The following PDE3B variants were observed in gnomAD, a reference collection of about 807,000 sequenced individuals.
PDE3B encodes the protein cGMP-inhibited 3',5'-cyclic phosphodiesterase 3B.
Under a neutral mutation model 116.8 loss-of-function variants are expected in PDE3B, and 66 were observed. The observed-to-expected ratio is 0.56, with a 90% confidence interval of 0.46 to 0.69. PDE3B has a LOEUF of 0.69. Ranked by LOEUF, PDE3B falls within the 30% of genes least tolerant of loss-of-function variation. The pLI, the probability that PDE3B is intolerant of heterozygous loss-of-function variation, is 0.00. For synonymous variants in PDE3B, 595 were observed against 533.6 expected (o/e 1.12, Z -1.59); for missense variants, 1,384 against 1,368.1 (o/e 1.01, Z -0.18).
chr11:14,661,660 G>A (rs189152329), intron 1 of PDE3B, among the ~76,000 whole-genome samples: 128 of 152,306 alleles, frequency 8.4e-4, no homozygotes, highest in African/African-American at 2.7e-3. Flanking sequence ...ATTATATCCC[G>A]CACCTGGCTC....
intron 5 of PDE3B, among the ~76,000 whole-genome samples, chr11:14,817,813 C>T (rs1859381103): frequency 6.6e-6 from 1 of 152,000 alleles, no homozygotes; most frequent in South Asian, 2.1e-4. Context: ...GGTAGAGATG[C>T]TTTGCTCTTG....
At chr11:14,883,349 G>T in the PDE3B span, among the ~76,000 whole-genome samples, 1 of 152,078 alleles carries the variant, frequency 6.6e-6, no homozygotes, top group Non-Finnish European at 1.5e-5. Context: ...TAGATCAATG[G>T]AACAGAACAG....
intron 11 of PDE3B, among the ~76,000 whole-genome samples, chr11:14,841,983 C>T (rs1314633175): frequency 7.0e-6 from 1 of 142,762 alleles, no homozygotes; most frequent in Non-Finnish European, 1.5e-5. Flanking sequence ...CTAAAAATGT[C>T]ATTTTTTTTG....
intron 4 of PDE3B, among the ~76,000 whole-genome samples, chr11:14,792,397 A>G (rs996418435): frequency 6.0e-5 from 9 of 149,002 alleles, no homozygotes; most frequent in African/African-American, 1.8e-4. Flanking sequence ...TGAAATATAT[A>G]TAAGGTATTT....
intron 1 of PDE3B, among the ~76,000 whole-genome samples, chr11:14,743,994 C>G (rs1214122167): frequency 6.6e-6 from 1 of 152,212 alleles, no homozygotes; most frequent in African/African-American, 2.4e-5. Context: ...CAGACCAGAG[C>G]TGTTGCTATT....
At chr11:14,704,346 G>C (rs1855467522) in intron 1 of PDE3B, among the ~76,000 whole-genome samples, 2 of 151,704 alleles carry the variant, frequency 1.3e-5, no homozygotes, top group Admixed American at 6.6e-5. Context: ...AGAGGTTAAA[G>C]AACATGAAGT....
Position 14,668,475 on chromosome 11 carries a change from T to C in PDE3B, c.978+23422T>C, listed in dbSNP as rs1252120410. Among the ~76,000 whole-genome samples the C allele has an allele frequency of 2.0e-5, 3 of 152,198 alleles. 1 individual carries two copies. Among genetic ancestry groups the C allele is most frequent in the African/African-American group, 4.8e-5 (2 of 41,448 alleles). ...AAAGGAAAGACATTACTATATTTTT[T>C]AATGAATACACTAAACTTTTAAGTA... On this transcript the variant is annotated intron_variant, in intron 1 of 15. Coordinates refer to ENST00000282096, the MANE Select transcript of PDE3B (RefSeq NM_000922.4).
At chr11:14,753,067 A>G (rs990704970) in intron 1 of PDE3B, among the ~76,000 whole-genome samples, 2 of 152,144 alleles carry the variant, frequency 1.3e-5, no homozygotes, top group African/African-American at 4.8e-5. Context: ...TCAGGAGTCT[A>G]GGATCCCTGT....
intron 4 of PDE3B, 95 bp downstream of exon 4, chr11:14,789,337 A>G (rs770875889): frequency 2.1e-5 from 20 of 942,114 alleles, no homozygotes; most frequent in Non-Finnish European, 3.1e-5. Context: ...GCAGAAAGGA[A>G]TGGTTGAAGT....
At chr11:14,853,825 A>T (rs1388731938) in intron 12 of PDE3B, among the ~76,000 whole-genome samples, 2 of 152,218 alleles carry the variant, frequency 1.3e-5, no homozygotes, top group African/African-American at 2.4e-5. Context: ...GCTATTTCCA[A>T]ATGAGAAGTT....
downstream of PDE3B, among the ~76,000 whole-genome samples, chr11:14,872,761 C>G (rs1188655146): frequency 1.3e-5 from 2 of 152,134 alleles, no homozygotes; most frequent in South Asian, 2.1e-4. Context: ...CCTGCAGATA[C>G]AAAAAGTTGG....
At chr11:14,681,452 T>G (rs944400995) in intron 1 of PDE3B, among the ~76,000 whole-genome samples, 1 of 152,172 alleles carries the variant, frequency 6.6e-6, no homozygotes, top group Non-Finnish European at 1.5e-5. Context: ...AGGGAGAGTT[T>G]CCCTGTACAA....
At chr11:14,661,243 A>G (rs898403677) in intron 1 of PDE3B, among the ~76,000 whole-genome samples, 4 of 152,260 alleles carry the variant, frequency 2.6e-5, no homozygotes, top group Admixed American at 6.5e-5. Context: ...GGCAGTATTC[A>G]CAATAGCAAA....
chr11:14,745,092 T>G (rs1415925826), intron 1 of PDE3B, among the ~76,000 whole-genome samples: 1 of 152,192 alleles, frequency 6.6e-6, no homozygotes, highest in Non-Finnish European at 1.5e-5. Context: ...CCCAAAGCAC[T>G]GGGATTATAG....
intron 1 of PDE3B, chr11:14,698,926 A>T (rs1298506645): frequency 6.6e-6 from 1 of 151,990 alleles, no homozygotes; most frequent in African/African-American, 2.4e-5. Context: ...TGACCAGGTG[A>T]TCATATGGGG....
At chr11:14,743,412 C>T (rs944690864) in intron 1 of PDE3B, among the ~76,000 whole-genome samples, 9 of 152,212 alleles carry the variant, frequency 5.9e-5, no homozygotes, top group African/African-American at 2.2e-4. Context: ...CCCCTTCCCC[C>T]ACCAAGTTGG....
intron 1 of PDE3B, among the ~76,000 whole-genome samples, chr11:14,723,883 G>A (rs972676776): frequency 6.6e-6 from 1 of 152,190 alleles, no homozygotes; most frequent in African/African-American, 2.4e-5. Flanking sequence ...AGTGGTGTGA[G>A]ATTAGGCTGG....
intron 1 of PDE3B, among the ~76,000 whole-genome samples, chr11:14,661,472 G>A (rs1346903084): frequency 1.3e-5 from 2 of 152,224 alleles, no homozygotes; most frequent in East Asian, 3.9e-4. Flanking sequence ...AGTGGGTGCA[G>A]CGCACCGTGC....
In PDE3B at chr11:14,867,770, G is replaced by C; in HGVS notation, c.3139+12G>C. On this transcript the variant is annotated intron_variant, in intron 15 of 15. Coordinates refer to ENST00000282096, the MANE Select transcript of PDE3B (RefSeq NM_000922.4). ...CAATCTAAATCCAAGTAAGAATATA[G>C]GGACATTATAATTTATTTAATGTTA... 1 of 1,581,188 alleles carries C rather than the reference G, an allele frequency of 6.3e-7. No homozygotes were observed. The highest frequency in any genetic ancestry group is 8.7e-7 in the Non-Finnish European group (1 of 1,151,992).
Sources: allele counts gnomAD v4.1 joint callset (sites outside exome capture counted in the v4.1 genomes callset), GRCh38; gene constraint gnomAD v4.1.1; transcripts MANE v1.5; gene names NCBI Gene and HGNC (gene_info 2026-07-23, HGNC 2026-07-21).